PPIL1: variants seen among roughly 807,000 people sequenced by gnomAD.
PPIL1 encodes peptidyl-prolyl cis-trans isomerase-like 1.
A neutral mutation model predicts 19.4 loss-of-function variants in PPIL1; 14 were observed. That is an observed-to-expected ratio of 0.72 (90% CI 0.48 to 1.13). The LOEUF (loss-of-function observed/expected upper bound fraction) is 1.13, where lower values mean the gene tolerates loss of function less well. Ranked by LOEUF, PPIL1 falls within the 50% of genes most tolerant of loss-of-function variation. PPIL1 has a pLI of 0.00. For missense variants in PPIL1, 192 were observed against 218.0 expected, an observed-to-expected ratio of 0.88 and a Z score of 0.75; for synonymous variants, 72 against 73.6, an observed-to-expected ratio of 0.98 and a Z score of 0.11.
chr6:36,862,401 T>C (rs1774308969), intron 2 of PPIL1, among the ~76,000 whole-genome samples: 1 of 152,164 alleles, frequency 6.6e-6, no homozygotes, highest in African/African-American at 2.4e-5. Context: ...AAAAGGCAGG[T>C]GCTGACAAGT....
rs374528191 is a variant in PPIL1, at chr6:36,871,666, C to T, written c.211+52G>A. ...CTAATGCTGGCTTTAGAAAAAAAGA[C>T]GAAAAGGAGAAAAAAAAAAGAAAAC... On this transcript the variant is annotated intron_variant, in intron 2 of 3. Transcript: ENST00000373699. The T allele has an allele frequency of 5.3e-5, 82 of 1,543,610 alleles. No individual in the cohort carries two copies. The East Asian group carries it at 1.4e-3, about 26-fold the overall frequency.
chr6:36,870,942 G>A (rs937592982), intron 2 of PPIL1, among the ~76,000 whole-genome samples: 4 of 152,180 alleles, frequency 2.6e-5, no homozygotes, highest in African/African-American at 7.2e-5. Flanking sequence ...TCCTTTTAAA[G>A]CATAGATCAG....
At chr6:36,864,536 A>G (rs1349411870) in intron 2 of PPIL1, among the ~76,000 whole-genome samples, 5 of 151,444 alleles carry the variant, frequency 3.3e-5, no homozygotes, top group African/African-American at 1.2e-4. Flanking sequence ...CCCTAATCAC[A>G]CTCTCCAAAC....
chr6:36,867,406 A>G (rs548278468), intron 2 of PPIL1, among the ~76,000 whole-genome samples: 1 of 152,384 alleles, frequency 6.6e-6, no homozygotes, highest in South Asian at 2.1e-4. Flanking sequence ...GAGTCAGCCA[A>G]GAGGAAAAAA....
Position 36,865,899 on chromosome 6 carries a change from T to C in PPIL1, c.211+5819A>G, listed in dbSNP as rs117864732. Among the ~76,000 whole-genome samples, 104 of 152,296 alleles carry C rather than the reference T, an allele frequency of 6.8e-4. 3 individuals are homozygous for C. The East Asian group carries it at 0.018, about 26-fold the overall frequency. ...CCAGCAGACTCTTGGCAAATACTCA[T>C]CAAATGAATAAAATTAACAGAGCTT... is the stretch of plus-strand genomic sequence containing the variant. On this transcript the variant is annotated intron_variant, in intron 2 of 3. Transcript: ENST00000373699.
chr6:36,867,822 A>C (rs957286319), intron 2 of PPIL1, among the ~76,000 whole-genome samples: 10 of 152,252 alleles, frequency 6.6e-5, no homozygotes, highest in Non-Finnish European at 1.3e-4. Flanking sequence ...GCTAGAATAG[A>C]ATAGAGAGAA....
At chr6:36,857,572 T>TC (rs1249267648) in intron 2 of PPIL1, among the ~76,000 whole-genome samples, 3 of 152,002 alleles carry the variant, frequency 2.0e-5, no homozygotes, top group African/African-American at 4.8e-5. Context: ...CTCCTTGGCT[T>TC]CCCAAGTGCT....
rs1248192572 is a variant in PPIL1, at chr6:36,855,536, A to G, written c.*277T>C. The G allele has an allele frequency of 2.2e-6, 1 of 446,608 alleles. No homozygotes were observed. The highest frequency in any genetic ancestry group is 4.2e-6 in the Non-Finnish European group (1 of 240,186). 27.7% of individuals were successfully genotyped at this position (446,608 alleles called of 1,614,324 possible). On this transcript the variant is annotated 3_prime_UTR_variant, in exon 4 of 4. Coordinates refer to ENST00000373699, the MANE Select transcript of PPIL1 (RefSeq NM_016059.5). The stretch of plus-strand genomic sequence containing the variant: ...TCGACGTATATCAGAGCAGACATGC[A>G]CAAGAAGCAGCATTATGGTTCATGT...
chr6:36,866,455 G>A (rs1774395482), intron 2 of PPIL1, among the ~76,000 whole-genome samples: 1 of 152,088 alleles, frequency 6.6e-6, no homozygotes, highest in Non-Finnish European at 1.5e-5. Flanking sequence ...AGTGACCCAG[G>A]AGAGCCTAAC....
At chr6:36,858,629 T>C (rs1232046307) in intron 2 of PPIL1, 1 of 152,230 alleles carries the variant, frequency 6.6e-6, no homozygotes, top group Non-Finnish European at 1.5e-5. Context: ...AAGAAAACAC[T>C]GTTCTCATGC....
At chr6:36,864,621 G>A (rs960463164) in intron 2 of PPIL1, among the ~76,000 whole-genome samples, 4 of 152,202 alleles carry the variant, frequency 2.6e-5, no homozygotes, top group Non-Finnish European at 5.9e-5. Context: ...AGTGGGCAAT[G>A]TCTGGAGACA....
At chr6:36,863,495 C>A (rs536955460) in intron 2 of PPIL1, among the ~76,000 whole-genome samples, 2 of 152,324 alleles carry the variant, frequency 1.3e-5, no homozygotes, top group East Asian at 3.9e-4. Context: ...CAACCTCCCC[C>A]TCTAGTAGAC....
intron 2 of PPIL1, among the ~76,000 whole-genome samples, chr6:36,864,724 C>A (rs1774361803): frequency 6.6e-6 from 1 of 152,152 alleles, no homozygotes; most frequent in Non-Finnish European, 1.5e-5. Flanking sequence ...GACAGCACCC[C>A]CTCCAACAAA....
chr6:36,866,972 A>G (rs146385000), intron 2 of PPIL1, among the ~76,000 whole-genome samples: 14 of 152,202 alleles, frequency 9.2e-5, no homozygotes, highest in South Asian at 6.2e-4. Context: ...AGAGAGTCCA[A>G]TGGTGGCGGA....
At chr6:36,860,796 C>T (rs1774271707) in intron 2 of PPIL1, among the ~76,000 whole-genome samples, 2 of 145,770 alleles carry the variant, frequency 1.4e-5, no homozygotes. Context: ...TGCTGTTTTG[C>T]ATGTTTTTAA....
intron 2 of PPIL1, 70 bp from the exon 3 acceptor site, chr6:36,856,724 C>G: frequency 7.0e-7 from 1 of 1,429,216 alleles, no homozygotes; most frequent in Non-Finnish European, 9.9e-7. Context: ...AATGATGGCC[C>G]AGGGTCAAAG....
At chr6:36,867,352 A>T (rs1323093142) in intron 2 of PPIL1, among the ~76,000 whole-genome samples, 1 of 152,240 alleles carries the variant, frequency 6.6e-6, no homozygotes, top group Non-Finnish European at 1.5e-5. Context: ...CACCAGCATC[A>T]ACCAAATAAG....
intron 2 of PPIL1, among the ~76,000 whole-genome samples, chr6:36,861,742 G>A (rs1429097579): frequency 6.7e-6 from 1 of 149,964 alleles, no homozygotes; most frequent in African/African-American, 2.5e-5. Context: ...TGTGGCCCAG[G>A]CTGGAGTGCA....
intron 2 of PPIL1, among the ~76,000 whole-genome samples, chr6:36,863,069 T>G (rs1774321906): frequency 6.6e-6 from 1 of 152,196 alleles, no homozygotes. Context: ...GAGAATTAAA[T>G]GAGACAGCAT....
Sources: allele counts gnomAD v4.1 joint callset (sites outside exome capture counted in the v4.1 genomes callset), GRCh38; gene constraint gnomAD v4.1.1; transcripts MANE v1.5; gene names NCBI Gene and HGNC (gene_info 2026-07-23, HGNC 2026-07-21).